Variants in PHKG2 observed in about 807,000 individuals in gnomAD.
The protein encoded by PHKG2 is phosphorylase b kinase gamma catalytic chain, liver/testis isoform.
A neutral mutation model predicts 44.5 loss-of-function variants in PHKG2; 28 were observed. The ratio of observed to expected loss-of-function variants is 0.63; its 90% CI spans 0.47 to 0.86. The LOEUF is 0.86. PHKG2 is among the 40% of genes least tolerant of loss of function. PHKG2 has a pLI of 0.00. For synonymous variants in PHKG2, 220 were observed against 211.2 expected (o/e 1.04, Z -0.36); for missense variants, 498 against 547.5 (o/e 0.91, Z 0.90).
intron 6 of PHKG2, among the ~76,000 whole-genome samples, chr16:30,755,907 G>T (rs1428328640): frequency 6.6e-6 from 1 of 152,154 alleles, no homozygotes; most frequent in Non-Finnish European, 1.5e-5. Flanking sequence ...TGGATAGTGG[G>T]TAGGTAGGGT....
chr16:30,760,229 C>T lies in PHKG2; in HGVS notation c.*3132C>T. 6.2e-7 allele frequency: 1 copy of T among 1,613,214 alleles called. No individual in the cohort carries two copies. Reference sequence around the variant, plus strand: ...TTCTGCTTCCCATGGTCACTTGTGCCAGGCCCGGTTCCTCTTCTCCCTGGG... The same window carrying T: ...TTCTGCTTCCCATGGTCACTTGTGCTAGGCCCGGTTCCTCTTCTCCCTGGG... On this transcript the variant is annotated 3_prime_UTR_variant, in exon 10 of 10. Transcript: ENST00000563588.
chr16:30,748,606 C>T, intron 1 of PHKG2, 116 bp downstream of exon 1: 1 of 587,994 alleles, frequency 1.7e-6, no homozygotes, highest in East Asian at 2.8e-5. Flanking sequence ...TCTCCCCACT[C>T]CCCTCCCTGC....
rs2053447397 is a variant in PHKG2, at chr16:30,757,214, T to C, written c.*117T>C. The C allele has an allele frequency of 5.7e-6, 9 of 1,586,764 alleles. No individual in the cohort carries two copies. The highest frequency in any genetic ancestry group is 2.7e-5 in the African/African-American group (2 of 74,480). On this transcript the variant is annotated 3_prime_UTR_variant, in exon 10 of 10. Transcript: ENST00000563588. ...AGGCCCACTAATGATCCTGCTACCC[T>C]CTTGAAGACCAGCCCGGTACCTCTC...
Position 30,759,624 on chromosome 16 carries a change from A to G in PHKG2, c.*2527A>G, listed in dbSNP as rs1278051660. 3.7e-6 allele frequency: 6 copies of G among 1,613,938 alleles called. No individual in the cohort carries two copies. Among genetic ancestry groups the G allele is most frequent in the Middle Eastern group, 1.6e-4 (1 of 6,084 alleles). On this transcript the variant is annotated 3_prime_UTR_variant, in exon 10 of 10. Coordinates refer to ENST00000563588, the MANE Select transcript of PHKG2 (RefSeq NM_000294.3). ...GTGAGACCTTGTCTGGGGATGGGTA[A>G]AGTTTCCAGAATGTTCCAGGGGAAC...
chr16:30,757,203 T>A lies in PHKG2; in HGVS notation c.*106T>A, dbSNP rs1049622411. 4.8e-5 allele frequency: 76 copies of A among 1,595,260 alleles called. 1 individual carries two copies. The highest frequency in any genetic ancestry group is 6.3e-5 in the Non-Finnish European group (74 of 1,177,634). On this transcript the variant is annotated 3_prime_UTR_variant, in exon 10 of 10. Transcript: ENST00000563588. The stretch of plus-strand genomic sequence containing the variant: ...CCTCTGGCCTCAGGCCCACTAATGA[T>A]CCTGCTACCCTCTTGAAGACCAGCC...
At position 30,753,014 on chromosome 16, in the gene PHKG2, TGCCATAA is replaced by T; in HGVS notation, c.327-217_327-211del. The T allele has an allele frequency of 1.7e-5, 10 of 598,142 alleles. No individual in the cohort carries two copies. The Admixed American group carries it at 2.2e-4, about 13-fold the overall frequency. The allele number at this position is 598,142 out of a possible 1,614,324, so 37.1% of individuals were successfully genotyped here. A position where few individuals can be genotyped will look rare whatever the true frequency, so the allele number is the denominator to read the frequency against. On this transcript the variant is annotated intron_variant, in intron 4 of 9. Coordinates refer to ENST00000563588, the MANE Select transcript of PHKG2 (RefSeq NM_000294.3). ...ATTGTCACAAGAAGTCTCTTATTTT[TGCCATAA>T]TTGCCCCATCATGGCATAATGCAGG...
In PHKG2 at chr16:30,756,706, G is replaced by A. The variant is rs774187799; in HGVS notation, c.918G>A (p.Gln306=). The A allele has an allele frequency of 2.7e-5, 44 of 1,613,982 alleles. No homozygotes were observed. In the South Asian group the frequency reaches 4.7e-4, roughly 17 times the overall value. ...GSQPWNLTPR[Q]RFRVAVWTVL... is the part of the protein sequence containing the mutation. ...AACCCTGGAACCTCACCCCCCGCCA[G>A]CGGTTCCGGGTAAGCCTGAGTGTAT... Residue 306 remains glutamine, a synonymous_variant, in exon 9 of 10, where the codon CAG becomes CAA. Transcript: ENST00000563588.
At chr16:30,755,624 C>T (rs1017921471) in intron 6 of PHKG2, among the ~76,000 whole-genome samples, 5 of 151,784 alleles carry the variant, frequency 3.3e-5, no homozygotes, top group African/African-American at 4.8e-5. Context: ...TACATTGAGC[C>T]GAGATCATGC....
At chr16:30,754,620 CCA>C (rs1171692272) in intron 6 of PHKG2, among the ~76,000 whole-genome samples, 1 of 152,182 alleles carries the variant, frequency 6.6e-6, no homozygotes, top group African/African-American at 2.4e-5. Flanking sequence ...CAGTCTGACT[CCA>C]GAGTTAATAC....
chr16:30,749,073 GTGGTGGTGGTGGTGGTGC>G lies in PHKG2; in HGVS notation c.95+161_95+178del, dbSNP rs1567259435. Among the ~76,000 whole-genome samples, 17 of 20,670 alleles carry G rather than the reference GTGGTGGTGGTGGTGGTGC, an allele frequency of 8.2e-4. 1 individual carries two copies. Among genetic ancestry groups the G allele is most frequent in the African/African-American group, 2.0e-3 (15 of 7,684 alleles). 13.6% of individuals were successfully genotyped at this position (20,670 alleles called of 152,430 possible). A position where few individuals can be genotyped will look rare whatever the true frequency, so the allele number is the denominator to read the frequency against. On this transcript the variant is annotated intron_variant, in intron 2 of 9. Coordinates refer to ENST00000563588, the MANE Select transcript of PHKG2 (RefSeq NM_000294.3). The stretch of plus-strand genomic sequence containing the variant: ...GGTGGTGGTGGTGGTGGTGGTGGTG[GTGGTGGTGGTGGTGGTGC>G]TGCTGCTGCTGCTGCTGCTGGTGGT...
In PHKG2 at chr16:30,759,869, A is replaced by G. The variant is rs897125217; in HGVS notation, c.*2772A>G. ...GCTTGTTTCCTTAACTCATGTAACA[A>G]ATACTGAATACCCACTATATGCCCA... is the stretch of plus-strand genomic sequence containing the variant. On this transcript the variant is annotated 3_prime_UTR_variant, in exon 10 of 10. Coordinates refer to ENST00000563588, the MANE Select transcript of PHKG2 (RefSeq NM_000294.3). 9 of 1,454,170 alleles carry G rather than the reference A, an allele frequency of 6.2e-6. No individual in the cohort carries two copies. In the Admixed American group the frequency reaches 2.0e-4, roughly 32 times the overall value. 90.1% of individuals were successfully genotyped at this position (1,454,170 alleles called of 1,614,324 possible). A position where few individuals can be genotyped will look rare whatever the true frequency, so the allele number is the denominator to read the frequency against.
intron 6 of PHKG2, chr16:30,754,950 C>G: frequency 2.2e-6 from 1 of 454,228 alleles, no homozygotes; most frequent in Non-Finnish European, 4.4e-6. Context: ...TCAAGAAATA[C>G]TTGGTGTAGG....
In PHKG2 at chr16:30,751,568, C is replaced by T. The variant is rs779322298; in HGVS notation, c.291C>T (p.Tyr97=). 18 of 1,613,632 alleles carry T rather than the reference C, an allele frequency of 1.1e-5. No individual in the cohort carries two copies. Among genetic ancestry groups the T allele is most frequent in the African/African-American group, 5.3e-5 (4 of 74,922 alleles). ...HPHIITLIDS[Y]ESSSFMFLVF... is the part of the protein sequence containing the mutation. ...CCCTAGTCACCCTCATCGATTCCTA[C>T]GAGTCTTCTAGCTTCATGTTCCTGG... Residue 97 remains tyrosine (Y), a synonymous_variant, in exon 4 of 10, where the codon TAC becomes TAT. Transcript: ENST00000563588.
At position 30,751,295 on chromosome 16, in the gene PHKG2, C is replaced by T. The variant is rs572169140; in HGVS notation, c.271+14C>T. Reference sequence around the variant, plus strand: ...ACCCCCACATCAGTGAGGCTGTCTTCCTTGCTCCTGTTAGCAGACGACCCC... The same window carrying T: ...ACCCCCACATCAGTGAGGCTGTCTTTCTTGCTCCTGTTAGCAGACGACCCC... On this transcript the variant is annotated intron_variant, in intron 3 of 9. Coordinates refer to ENST00000563588, the MANE Select transcript of PHKG2 (RefSeq NM_000294.3). 9.1e-5 allele frequency: 146 copies of T among 1,607,720 alleles called. No homozygotes were observed. In the South Asian group the frequency reaches 1.6e-3, roughly 17 times the overall value.
At chr16:30,754,366 A>G (rs1057018182) in intron 6 of PHKG2, among the ~76,000 whole-genome samples, 6 of 152,014 alleles carry the variant, frequency 3.9e-5, no homozygotes, top group African/African-American at 1.2e-4. Flanking sequence ...GAATTTCACA[A>G]TGTTGGCCAG....
intron 4 of PHKG2, chr16:30,752,514 T>C (rs1412679937): frequency 6.5e-6 from 1 of 152,982 alleles, no homozygotes. Context: ...ATCAGTTCTT[T>C]TTCTGGTCAG....
Position 30,759,235 on chromosome 16 carries a change from G to C in PHKG2, c.*2138G>C. 6.2e-7 allele frequency: 1 copy of C among 1,614,200 alleles called. No homozygotes were observed. The highest frequency in any genetic ancestry group is 1.3e-5 in the African/African-American group (1 of 75,068). The stretch of plus-strand genomic sequence containing the variant: ...TGTAGCCCCATGTAAGTCAAAGACA[G>C]ATCCAGCCGCACCTGGGAAGCAAGG... On this transcript the variant is annotated 3_prime_UTR_variant, in exon 10 of 10. Transcript: ENST00000563588.
chr16:30,751,460 C>A, intron 3 of PHKG2, 89 bp from the exon 4 acceptor site: 1 of 1,322,124 alleles, frequency 7.6e-7, no homozygotes. Flanking sequence ...CAGTAACAGC[C>A]CGCTGCTGTC....
intron 2 of PHKG2, among the ~76,000 whole-genome samples, chr16:30,749,733 C>T (rs1029680349): frequency 6.6e-6 from 1 of 152,144 alleles, no homozygotes; most frequent in Admixed American, 6.5e-5. Context: ...CATTTTTTCA[C>T]GGATTCATTC....
Sources: gnomAD v4.1 joint callset for allele counts (sites outside exome capture counted in the v4.1 genomes callset) on GRCh38, gnomAD v4.1.1 for gene constraint, MANE v1.5 for transcripts, NCBI Gene and HGNC (gene_info 2026-07-23, HGNC 2026-07-21) for gene names.